The following MAGI1 variants were observed in gnomAD, a reference collection of about 807,000 sequenced individuals.
MAGI1 encodes the protein membrane associated guanylate kinase, WW and PDZ domain containing 1, also known as membrane-associated guanylate kinase, WW and PDZ domain-containing protein 1.
MAGI1 carries 58 observed loss-of-function variants against 139.9 expected under a neutral mutation model. That is an observed-to-expected ratio of 0.41 (90% CI 0.34 to 0.52). The LOEUF (loss-of-function observed/expected upper bound fraction) is 0.52, where lower values mean the gene tolerates loss of function less well. Ranked by LOEUF, MAGI1 falls within the 20% of genes least tolerant of loss-of-function variation. MAGI1 has a pLI of 0.12. For missense variants in MAGI1, 1,874 were observed against 1,901.6 expected, an observed-to-expected ratio of 0.99 and a Z score of 0.27; for synonymous variants, 812 against 737.9, an observed-to-expected ratio of 1.10 and a Z score of -1.63.
rs184184183 is a variant in MAGI1, at chr3:66,034,455, T to A, written c.313+3541A>T. Among the ~76,000 whole-genome samples, 610 of 152,296 alleles carry A rather than the reference T, an allele frequency of 4.0e-3. 10 individuals carry two copies. Among genetic ancestry groups the A allele is most frequent in the Non-Finnish European group, 1.1e-3 (72 of 68,034 alleles). On this transcript the variant is annotated intron_variant, in intron 1 of 22. Transcript: ENST00000402939. ...TGAAAAAGAGAATGCCCACGAAGCA[T>A]CAGCTTAGCCAAGCACCTATTATAT... is the stretch of plus-strand genomic sequence containing the variant.
chr3:65,387,391 T>TC (rs1943539741), intron 14 of MAGI1, among the ~76,000 whole-genome samples: 1 of 151,460 alleles, frequency 6.6e-6, no homozygotes, highest in Admixed American at 6.6e-5. Flanking sequence ...TTTCTTTCTT[T>TC]TTTTTTTTAC....
In MAGI1 at chr3:65,586,481, T is replaced by C. The variant is rs78593825; in HGVS notation, c.430+35491A>G. The stretch of plus-strand genomic sequence containing the variant: ...TTTGAATGAAGTGGTAGTTACATGA[T>C]TGTATGCAACTGCTGAAACTCAGAG... On this transcript the variant is annotated intron_variant, in intron 2 of 22. Coordinates refer to ENST00000402939, the MANE Select transcript of MAGI1 (RefSeq NM_001033057.2). 6.8e-4 allele frequency among the ~76,000 whole-genome samples: 104 copies of C among 152,334 alleles called. 2 individuals are homozygous for C. The East Asian group carries it at 0.019, about 29-fold the overall frequency.
intron 2 of MAGI1, among the ~76,000 whole-genome samples, chr3:65,528,662 A>G (rs2078497926): frequency 6.6e-6 from 1 of 152,186 alleles, no homozygotes; most frequent in Non-Finnish European, 1.5e-5. Context: ...TGTAGCAGAG[A>G]ACAAATGCTC....
At chr3:65,424,656 GGGAGCTGAAAT>G (rs1436380623) in intron 12 of MAGI1, among the ~76,000 whole-genome samples, 1 of 152,092 alleles carries the variant, frequency 6.6e-6, no homozygotes, top group Non-Finnish European at 1.5e-5. Context: ...TGTAGAATGT[GGGAGCTGAAAT>G]GGACCTTAGG....
At chr3:65,792,294 G>A (rs1054358611) in intron 1 of MAGI1, among the ~76,000 whole-genome samples, 7 of 151,836 alleles carry the variant, frequency 4.6e-5, no homozygotes, top group South Asian at 4.1e-4. Flanking sequence ...GTGAAACCCC[G>A]TCTCTACTAA....
chr3:65,736,725 A>G (rs2034770663), intron 1 of MAGI1, among the ~76,000 whole-genome samples: 1 of 152,212 alleles, frequency 6.6e-6, no homozygotes, highest in Admixed American at 6.5e-5. Context: ...CCAGGCCAGC[A>G]AAGGACTGGA....
chr3:65,360,312 G>A, intron 22 of MAGI1: 6 of 982,444 alleles, frequency 6.1e-6, no homozygotes, highest in Non-Finnish European at 7.2e-6. Context: ...TAGACCTTTG[G>A]TTGGGAAAAA....
At chr3:65,483,763 C>T (rs934018452) in intron 3 of MAGI1, among the ~76,000 whole-genome samples, 3 of 152,076 alleles carry the variant, frequency 2.0e-5, no homozygotes, top group Non-Finnish European at 4.4e-5. Flanking sequence ...GGGAGGAAAG[C>T]GGAGGGCAAA....
intron 10 of MAGI1, among the ~76,000 whole-genome samples, chr3:65,435,520 G>C (rs1449885519): frequency 6.6e-6 from 1 of 150,794 alleles, no homozygotes; most frequent in Admixed American, 6.6e-5. Context: ...GATGGATACT[G>C]TTTCACTCAA....
chr3:65,440,829 A>T (rs1282817331), intron 8 of MAGI1, among the ~76,000 whole-genome samples: 1 of 84,984 alleles, frequency 1.2e-5, no homozygotes, highest in South Asian at 4.9e-4. Flanking sequence ...GTGTACATGT[A>T]TACATATACA....
At chr3:65,531,316 T>G (rs1177463209) in intron 2 of MAGI1, among the ~76,000 whole-genome samples, 1 of 152,016 alleles carries the variant, frequency 6.6e-6, no homozygotes, top group Non-Finnish European at 1.5e-5. Flanking sequence ...CTACATGAAA[T>G]CTCCACTTAG....
intron 1 of MAGI1, among the ~76,000 whole-genome samples, chr3:66,015,973 G>C (rs181538128): frequency 7.7e-4 from 118 of 152,314 alleles, no homozygotes; most frequent in Middle Eastern, 6.8e-3. Context: ...AGTATACTTA[G>C]AATGTGTTTC....
chr3:65,872,435 T>C (rs946584135), intron 1 of MAGI1, among the ~76,000 whole-genome samples: 4 of 152,196 alleles, frequency 2.6e-5, no homozygotes, highest in African/African-American at 9.7e-5. Context: ...CCTTCATCAA[T>C]TTCTCTTTCT....
intron 5 of MAGI1, among the ~76,000 whole-genome samples, chr3:65,466,360 C>A (rs1466853867): frequency 6.6e-6 from 1 of 151,948 alleles, no homozygotes; most frequent in Non-Finnish European, 1.5e-5. Flanking sequence ...GATCTTAAAC[C>A]TTCTATGGGC....
At chr3:65,641,785 T>A (rs1053086628) in intron 1 of MAGI1, among the ~76,000 whole-genome samples, 1 of 152,200 alleles carries the variant, frequency 6.6e-6, no homozygotes, top group Non-Finnish European at 1.5e-5. Flanking sequence ...AAATTTCATC[T>A]AAAAGAATCA....
At chr3:65,815,353 A>T (rs1456383951) in intron 1 of MAGI1, among the ~76,000 whole-genome samples, 2 of 152,192 alleles carry the variant, frequency 1.3e-5, no homozygotes, top group Non-Finnish European at 2.9e-5. Context: ...GGGCATTTTC[A>T]TTCATTCCAA....
intron 1 of MAGI1, among the ~76,000 whole-genome samples, chr3:65,982,520 T>C (rs2065638838): frequency 6.6e-6 from 1 of 152,222 alleles, no homozygotes. Context: ...AATACAGCTG[T>C]AAAAATGATG....
chr3:65,783,178 C>A (rs568748810), intron 1 of MAGI1, among the ~76,000 whole-genome samples: 1 of 151,714 alleles, frequency 6.6e-6, no homozygotes, highest in East Asian at 1.9e-4. Context: ...ACAACTCTTA[C>A]AATTCAACAA....
chr3:65,491,620 C>T (rs1952040458), intron 3 of MAGI1, among the ~76,000 whole-genome samples: 1 of 152,098 alleles, frequency 6.6e-6, no homozygotes, highest in South Asian at 2.1e-4. Context: ...CACATGCTCT[C>T]CTCTTCACAT....
Sources: gnomAD v4.1 joint callset for allele counts (sites outside exome capture counted in the v4.1 genomes callset) on GRCh38, gnomAD v4.1.1 for gene constraint, MANE v1.5 for transcripts, NCBI Gene and HGNC (gene_info 2026-07-23, HGNC 2026-07-21) for gene names.